The following CHIA variants were observed in gnomAD, a reference collection of about 807,000 sequenced individuals.
CHIA encodes acidic mammalian chitinase.
In CHIA, 47 loss-of-function variants were observed where a neutral mutation model predicts 53.5. The ratio of observed to expected loss-of-function variants is 0.88; its 90% confidence interval spans 0.70 to 1.12. The LOEUF (loss-of-function observed/expected upper bound fraction) is 1.12, where lower values mean the gene tolerates loss of function less well. CHIA is among the 50% of genes most tolerant of loss of function. The probability of loss-of-function intolerance (pLI) is 0.00; values close to 1 mark genes in which losing one functional copy is unlikely to be tolerated. For missense variants in CHIA, 652 were observed against 592.2 expected, an observed-to-expected ratio of 1.10 and a Z score of -1.05; for synonymous variants, 268 against 222.2, an observed-to-expected ratio of 1.21 and a Z score of -1.83.
intron 3 of CHIA, 79 bp from the exon 4 acceptor site, chr1:111,312,111 C>G: frequency 1.7e-6 from 2 of 1,157,506 alleles, no homozygotes; most frequent in South Asian, 1.2e-5. Context: ...GGGAGGGAAA[C>G]AGAGGCAAGG....
At chr1:111,298,593 T>A (rs536364091) in intron 1 of CHIA, among the ~76,000 whole-genome samples, 24 of 152,246 alleles carry the variant, frequency 1.6e-4, no homozygotes, top group African/African-American at 5.5e-4. Context: ...AAGCAGTGTG[T>A]AGAGGGAAAT....
intron 10 of CHIA, 25 bp downstream of exon 10, chr1:111,319,264 T>C (rs776291802): frequency 1.2e-6 from 2 of 1,614,084 alleles, no homozygotes; most frequent in Non-Finnish European, 1.7e-6. Context: ...TTAAATGTGC[T>C]GAGGTCCCAG....
At chr1:111,310,737 G>A (rs1648598380) in intron 2 of CHIA, among the ~76,000 whole-genome samples, 1 of 152,154 alleles carries the variant, frequency 6.6e-6, no homozygotes, top group Non-Finnish European at 1.5e-5. Flanking sequence ...TAAAGGAAAA[G>A]CATACTTTCT....
At chr1:111,311,758 A>C (rs1475299104) in intron 3 of CHIA, 40 bp downstream of exon 3, 4 of 1,597,610 alleles carry the variant, frequency 2.5e-6, no homozygotes, top group Non-Finnish European at 3.4e-6. Flanking sequence ...GAATGTATAT[A>C]TACGAGATAA....
At chr1:111,294,390 T>C (rs1025582611) in intron 1 of CHIA, among the ~76,000 whole-genome samples, 1 of 152,224 alleles carries the variant, frequency 6.6e-6, no homozygotes, top group Non-Finnish European at 1.5e-5. Context: ...ATGCAATTGA[T>C]TTTTGTGTTG....
In CHIA at chr1:111,319,490, C is replaced by A. The variant is rs374884131; in HGVS notation, c.1177+22C>A. 8.1e-6 allele frequency: 13 copies of A among 1,611,336 alleles called. No homozygotes were observed. The African/African-American group carries it at 1.7e-4, about 22-fold the overall frequency. On this transcript the variant is annotated intron_variant, in intron 11 of 11. Transcript: ENST00000369740. ...GCAAGTAAGTGACTGAGGGGGAATG[C>A]CCAGGTGTATAAATACCCCTTCTCC... is the stretch of plus-strand genomic sequence containing the variant.
chr1:111,294,896 C>T (rs1571259539), intron 1 of CHIA, among the ~76,000 whole-genome samples: 1 of 152,094 alleles, frequency 6.6e-6, no homozygotes, highest in Non-Finnish European at 1.5e-5. Flanking sequence ...CTCGTGAACA[C>T]AGTATATAAT....
intron 8 of CHIA, 149 bp downstream of exon 8, chr1:111,318,258 A>T: frequency 1.0e-6 from 1 of 986,596 alleles, no homozygotes; most frequent in Non-Finnish European, 1.5e-6. Context: ...ATTTAATTTC[A>T]CACAGAGACT....
chr1:111,295,155 C>T (rs1050646510), intron 1 of CHIA, among the ~76,000 whole-genome samples: 61 of 152,154 alleles, frequency 4.0e-4, no homozygotes, highest in African/African-American at 1.5e-3. Context: ...ATCTGGTCTA[C>T]AGCTTTTCTT....
At chr1:111,318,984 T>C (rs1352509646) in intron 9 of CHIA, 136 bp from the exon 10 acceptor site, 57 of 1,264,198 alleles carry the variant, frequency 4.5e-5, no homozygotes, top group Non-Finnish European at 6.0e-5. Flanking sequence ...CTTGATCCTC[T>C]TTACTACAAA....
chr1:111,320,207 T>G lies in CHIA; in HGVS notation c.1178-6T>G, dbSNP rs767455378. 9.9e-6 allele frequency: 16 copies of G among 1,612,302 alleles called. No homozygotes were observed. Among genetic ancestry groups the G allele is most frequent in the Non-Finnish European group, 1.3e-5 (15 of 1,179,170 alleles). Reference sequence around the variant, plus strand: ...ACTAGTCTGCTCTTACTGCTGTATGTTTCAGGTTGCACGGCTCCAGCTCAG... The same window carrying G: ...ACTAGTCTGCTCTTACTGCTGTATGGTTCAGGTTGCACGGCTCCAGCTCAG... On this transcript the variant is annotated splice_region_variant and splice_polypyrimidine_tract_variant and intron_variant, in intron 11 of 11. Transcript: ENST00000369740.
chr1:111,297,367 A>G (rs1382015673), intron 1 of CHIA, among the ~76,000 whole-genome samples: 1 of 152,266 alleles, frequency 6.6e-6, no homozygotes, highest in Non-Finnish European at 1.5e-5. Context: ...TTGGACTAAC[A>G]GCGGATCTCT....
At chr1:111,301,123 C>T (rs905990520) in intron 1 of CHIA, among the ~76,000 whole-genome samples, 1 of 152,144 alleles carries the variant, frequency 6.6e-6, no homozygotes, top group Non-Finnish European at 1.5e-5. Flanking sequence ...CACTTTTACA[C>T]TGTTGGTGGA....
In CHIA at chr1:111,291,517, T is replaced by C. The variant is rs140478466; in HGVS notation, c.-69+567T>C. Among the ~76,000 whole-genome samples, 161 of 88,490 alleles carry C rather than the reference T, an allele frequency of 1.8e-3. 1 individual carries two copies. Among genetic ancestry groups the C allele is most frequent in the African/African-American group, 6.2e-3 (115 of 18,588 alleles). 58.1% of individuals were successfully genotyped at this position (88,490 alleles called of 152,430 possible). ...GAAACACTGGAGCCAGCTGAGGGGT[T>C]GGGGGCAAGGGGGGGAGAGCATTAG... is the stretch of plus-strand genomic sequence containing the variant. On this transcript the variant is annotated intron_variant, in intron 1 of 11. Coordinates refer to ENST00000369740, the MANE Select transcript of CHIA (RefSeq NM_201653.4).
Position 111,318,605 on chromosome 1 carries a change from T to A in CHIA, c.842T>A (p.Ile281Asn). 1.9e-6 allele frequency: 3 copies of A among 1,614,238 alleles called. No individual in the cohort carries two copies. The highest frequency in any genetic ancestry group is 2.5e-6 in the Non-Finnish European group (3 of 1,180,042). The part of the protein sequence containing the change: ...FILSNPSNTG[I>N]GAPTSGAGPA... The stretch of plus-strand genomic sequence containing the variant: ...CTGAGCAACCCCTCCAACACTGGAA[T>A]TGGTGCCCCCACCTCTGGTGCTGGT... The change falls in exon 9 of 12, where the codon ATT (isoleucine) becomes AAT (asparagine). Residue 281 changes from isoleucine to asparagine, a missense_variant. Coordinates refer to ENST00000369740, the MANE Select transcript of CHIA (RefSeq NM_201653.4).
chr1:111,295,106 C>T (rs1661260792), intron 1 of CHIA, among the ~76,000 whole-genome samples: 1 of 152,150 alleles, frequency 6.6e-6, no homozygotes, highest in South Asian at 2.1e-4. Flanking sequence ...AATTGGTGTT[C>T]ATTTGTCACT....
At chr1:111,314,435 G>A (rs1045861807) in intron 4 of CHIA, 105 bp from the exon 5 acceptor site, 3 of 745,022 alleles carry the variant, frequency 4.0e-6, no homozygotes, top group Admixed American at 5.5e-5. Flanking sequence ...TTCTACAAAA[G>A]GCAAAACAAA....
In CHIA at chr1:111,319,116, A is replaced by G. The variant is rs1162502033; in HGVS notation, c.916-4A>G. On this transcript the variant is annotated splice_region_variant and splice_polypyrimidine_tract_variant and intron_variant, in intron 9 of 11. Coordinates refer to ENST00000369740, the MANE Select transcript of CHIA (RefSeq NM_201653.4). ...ATAGATTTGAATCTCTTGACTTTTG[A>G]AAGATCTGTACCTTCCTGAAAAATG... 1 of 1,606,156 alleles carries G rather than the reference A, an allele frequency of 6.2e-7. No individual in the cohort carries two copies. Among genetic ancestry groups the G allele is most frequent in the Admixed American group, 1.7e-5 (1 of 57,998 alleles).
intron 1 of CHIA, among the ~76,000 whole-genome samples, chr1:111,307,701 G>A (rs554206079): frequency 6.6e-6 from 1 of 151,848 alleles, no homozygotes; most frequent in Admixed American, 6.6e-5. Flanking sequence ...GAGTGCAATG[G>A]CACTATCTCA....
Sources: gnomAD v4.1 joint callset for allele counts (sites outside exome capture counted in the v4.1 genomes callset) on GRCh38, gnomAD v4.1.1 for gene constraint, MANE v1.5 for transcripts, NCBI Gene and HGNC (gene_info 2026-07-23, HGNC 2026-07-21) for gene names.